The following ARMC2 variants were observed in gnomAD, a reference collection of about 807,000 sequenced individuals.
ARMC2 encodes armadillo repeat-containing protein 2.
A neutral mutation model predicts 90.3 loss-of-function variants in ARMC2; 67 were observed. That is an observed-to-expected ratio of 0.74 (90% CI 0.61 to 0.91). The LOEUF (loss-of-function observed/expected upper bound fraction) is 0.91. ARMC2 is among the 40% of genes least tolerant of loss of function. The pLI is 0.00. For missense variants in ARMC2, 920 were observed against 1,030.9 expected (o/e 0.89, Z 1.47); for synonymous variants, 393 against 393.0 (o/e 1.00, Z 0.00).
At chr6:109,024,999 CAGTG>C in the ARMC2 span, among the ~76,000 whole-genome samples, 3 of 152,086 alleles carry the variant, frequency 2.0e-5, no homozygotes, top group South Asian at 6.3e-4. Flanking sequence ...TCTAGGGAGA[CAGTG>C]AGCACTAAGG....
chr6:108,876,525 G>A (rs1776955516), intron 5 of ARMC2, among the ~76,000 whole-genome samples, 175 bp downstream of exon 5: 2 of 152,158 alleles, frequency 1.3e-5, no homozygotes, highest in African/African-American at 4.8e-5. Context: ...GTTGATTTTT[G>A]TATCATTCCT....
the ARMC2 span, among the ~76,000 whole-genome samples, chr6:108,983,034 G>T: frequency 6.6e-6 from 1 of 151,808 alleles, no homozygotes; most frequent in Non-Finnish European, 1.5e-5. Flanking sequence ...GGCCAGGATG[G>T]TCTCGATCTC....
chr6:108,941,501 G>A (rs1251747285), intron 12 of ARMC2, among the ~76,000 whole-genome samples: 1 of 152,184 alleles, frequency 6.6e-6, no homozygotes, highest in Non-Finnish European at 1.5e-5. Flanking sequence ...GACCCAATCA[G>A]GGATTAATTC....
chr6:108,874,149 G>A (rs1776708534), intron 4 of ARMC2, among the ~76,000 whole-genome samples: 1 of 152,170 alleles, frequency 6.6e-6, no homozygotes, highest in Non-Finnish European at 1.5e-5. Context: ...CACATGCTCA[G>A]TTTCATCGAG....
At chr6:109,035,107 C>T in the ARMC2 span, among the ~76,000 whole-genome samples, 1 of 152,104 alleles carries the variant, frequency 6.6e-6, no homozygotes, top group South Asian at 2.1e-4. Context: ...ATTCAGCTGC[C>T]CCACCACTGC....
At chr6:108,867,632 G>C (rs1004729602) in intron 3 of ARMC2, among the ~76,000 whole-genome samples, 1 of 152,112 alleles carries the variant, frequency 6.6e-6, no homozygotes, top group African/African-American at 2.4e-5. Flanking sequence ...TTAGCCAAGT[G>C]TGCTGGTGCA....
chr6:109,026,531 T>A, the ARMC2 span, among the ~76,000 whole-genome samples: 1 of 152,042 alleles, frequency 6.6e-6, no homozygotes, highest in Non-Finnish European at 1.5e-5. Context: ...GGAGTCTCGC[T>A]CTGTCGCCAG....
the ARMC2 span, chr6:108,987,609 T>C: frequency 1.9e-6 from 3 of 1,592,932 alleles, no homozygotes; most frequent in South Asian, 1.1e-5. Flanking sequence ...CTAGCTTCTA[T>C]AAGAAGCAGA....
the ARMC2 span, among the ~76,000 whole-genome samples, chr6:109,004,672 C>T: frequency 4.2e-4 from 64 of 152,198 alleles, no homozygotes; most frequent in African/African-American, 1.5e-3. Flanking sequence ...CCTCGTGATG[C>T]GCCCACCTCG....
chr6:108,872,188 T>C (rs1776486444), intron 4 of ARMC2, among the ~76,000 whole-genome samples: 1 of 152,150 alleles, frequency 6.6e-6, no homozygotes, highest in Non-Finnish European at 1.5e-5. Flanking sequence ...GGCCGGGGTG[T>C]GGTGGCAGGT....
chr6:108,970,722 T>G (rs1016953922), intron 17 of ARMC2, among the ~76,000 whole-genome samples: 1 of 151,864 alleles, frequency 6.6e-6, no homozygotes, highest in East Asian at 2.0e-4. Context: ...GATCTTGAAC[T>G]CCTGACCTCA....
In ARMC2 at chr6:108,964,243, G is replaced by A. The variant is rs1344061342; in HGVS notation, c.2216G>A (p.Gly739Asp). 6.2e-7 allele frequency: 1 copy of A among 1,613,946 alleles called. No homozygotes were observed. The highest frequency in any genetic ancestry group is 1.7e-5 in the Admixed American group (1 of 60,010). ...CAGGATATCTGCTTTTCTGCCTGTGGTGTTCTCCTCAATCTCACTGTGGAT... is the reference window on the plus strand; with the variant it reads ...CAGGATATCTGCTTTTCTGCCTGTGATGTTCTCCTCAATCTCACTGTGGAT... ...QHQDICFSAC[G>D]VLLNLTVDKD... The change falls in exon 16 of 18, where the codon GGT becomes GAT. Residue 739 changes from glycine (G) to aspartate (D), a missense_variant. Transcript: ENST00000392644.
chr6:109,052,098 G>A, the ARMC2 span, among the ~76,000 whole-genome samples: 1 of 152,148 alleles, frequency 6.6e-6, no homozygotes, highest in African/African-American at 2.4e-5. Context: ...TAGAAGATAA[G>A]TTTCAAACCA....
At chr6:109,003,549 C>G in the ARMC2 span, among the ~76,000 whole-genome samples, 1 of 152,148 alleles carries the variant, frequency 6.6e-6, no homozygotes, top group Admixed American at 6.5e-5. Context: ...TATTTGCCAA[C>G]AGAATTCATA....
chr6:109,014,743 T>C, the ARMC2 span, among the ~76,000 whole-genome samples: 10,553 of 152,218 alleles, frequency 0.069, 488 homozygotes, highest in East Asian at 0.15. Flanking sequence ...TCTGGGCCTT[T>C]GGTGGCCTCA....
chr6:108,898,721 G>A (rs750007032), intron 6 of ARMC2, among the ~76,000 whole-genome samples: 1 of 152,176 alleles, frequency 6.6e-6, no homozygotes, highest in Non-Finnish European at 1.5e-5. Flanking sequence ...ATGACCCCAG[G>A]CAGATAACTT....
At chr6:109,010,884 A>C in the ARMC2 span, among the ~76,000 whole-genome samples, 5 of 152,214 alleles carry the variant, frequency 3.3e-5, no homozygotes, top group South Asian at 1.0e-3. Context: ...AACCCAGTAC[A>C]TCATGCAATT....
intron 11 of ARMC2, 129 bp downstream of exon 11, chr6:108,928,362 G>A: frequency 1.0e-6 from 1 of 977,410 alleles, no homozygotes; most frequent in Non-Finnish European, 1.4e-6. Flanking sequence ...TACCAGAAAG[G>A]GTAAATCTAG....
chr6:109,001,464 C>T, the ARMC2 span: 10 of 1,613,292 alleles, frequency 6.2e-6, no homozygotes, highest in Admixed American at 1.2e-4. Flanking sequence ...TGCATCTGTG[C>T]GTCTTCACTC....
Sources: gnomAD v4.1 joint callset for allele counts (sites outside exome capture counted in the v4.1 genomes callset) on GRCh38, gnomAD v4.1.1 for gene constraint, MANE v1.5 for transcripts, NCBI Gene and HGNC (gene_info 2026-07-23, HGNC 2026-07-21) for gene names.